ALK: variants seen among roughly 807,000 people sequenced by gnomAD.
The protein encoded by ALK is ALK receptor tyrosine kinase, also known as ALK tyrosine kinase receptor.
A neutral mutation model predicts 163.1 loss-of-function variants in ALK; 74 were observed. The ratio of observed to expected loss-of-function variants is 0.45; its 90% CI spans 0.38 to 0.55. ALK has a LOEUF of 0.55. Among genes scored for constraint, ALK ranks in the 20% least tolerant of loss-of-function variants. The pLI is 0.00. For missense variants in ALK, 2,063 were observed against 2,105.3 expected, an observed-to-expected ratio of 0.98 and a Z score of 0.39; for synonymous variants, 960 against 843.2, an observed-to-expected ratio of 1.14 and a Z score of -2.40.
intron 3 of ALK, among the ~76,000 whole-genome samples, chr2:29,679,465 CTG>C (rs969902868): frequency 2.2e-3 from 330 of 150,214 alleles, no homozygotes; most frequent in African/African-American, 7.7e-3. Context: ...TCTTTTCTCT[CTG>C]TTTCTTTCTC....
chr2:29,419,174 C>A (rs1031493317), intron 4 of ALK, among the ~76,000 whole-genome samples: 1 of 151,374 alleles, frequency 6.6e-6, no homozygotes, highest in Non-Finnish European at 1.5e-5. Context: ...CCTGACTCAG[C>A]CTCCCGAGTA....
At chr2:29,443,725 C>G (rs537452724) in intron 4 of ALK, among the ~76,000 whole-genome samples, 152 of 152,274 alleles carry the variant, frequency 1.0e-3, no homozygotes, top group Middle Eastern at 3.4e-3. Flanking sequence ...TGGGCATAAA[C>G]TGAGAATAAC....
chr2:29,879,170 C>T (rs1666795607), intron 1 of ALK, among the ~76,000 whole-genome samples: 1 of 152,148 alleles, frequency 6.6e-6, no homozygotes, highest in African/African-American at 2.4e-5. Flanking sequence ...TGCATGGCAG[C>T]CCAGGACACA....
chr2:29,333,722 T>G (rs1667524504), intron 5 of ALK, among the ~76,000 whole-genome samples: 1 of 152,170 alleles, frequency 6.6e-6, no homozygotes, highest in South Asian at 2.1e-4. Context: ...CCTCGGGTGA[T>G]TCTTCCACCT....
At chr2:29,860,814 CTT>C (rs1422651490) in intron 1 of ALK, among the ~76,000 whole-genome samples, 1 of 152,064 alleles carries the variant, frequency 6.6e-6, no homozygotes, top group East Asian at 1.9e-4. Flanking sequence ...TTAAAAATAT[CTT>C]GAGACAAAAT....
intron 1 of ALK, among the ~76,000 whole-genome samples, chr2:29,856,953 G>C (rs944034871): frequency 1.3e-5 from 2 of 152,192 alleles, no homozygotes; most frequent in African/African-American, 4.8e-5. Context: ...TTTTAGCCAA[G>C]TGTCCTTAGT....
intron 4 of ALK, among the ~76,000 whole-genome samples, chr2:29,499,289 C>A (rs1672108620): frequency 6.6e-6 from 1 of 151,958 alleles, no homozygotes; most frequent in African/African-American, 2.4e-5. Flanking sequence ...CTCTGCCTCT[C>A]AGGTTCAAGT....
chr2:29,500,989 T>C (rs1308676415), intron 4 of ALK, among the ~76,000 whole-genome samples: 1 of 152,182 alleles, frequency 6.6e-6, no homozygotes, highest in East Asian at 1.9e-4. Context: ...GCTTCCTGCA[T>C]TGCTGAGAAG....
At chr2:29,765,952 C>A (rs1680850747) in intron 1 of ALK, among the ~76,000 whole-genome samples, 1 of 152,124 alleles carries the variant, frequency 6.6e-6, no homozygotes, top group Admixed American at 6.5e-5. Context: ...TGTGAGCTGG[C>A]TGCAGTGCAC....
Position 29,700,312 on chromosome 2 carries a change from C to T in ALK, c.788-5298G>A, listed in dbSNP as rs543561290. Among the ~76,000 whole-genome samples, 29 of 152,152 alleles carry T rather than the reference C, an allele frequency of 1.9e-4. No homozygotes were observed. In the East Asian group the frequency reaches 2.9e-3, roughly 15 times the overall value. ...TGTAATCCCAGCACTTTGGGAGGCC[C>T]GGTGGGTGGATCACCTGAGGTCGGG... On this transcript the variant is annotated intron_variant, in intron 2 of 28. Coordinates refer to ENST00000389048, the MANE Select transcript of ALK (RefSeq NM_004304.5).
chr2:29,270,800 A>G (rs74419707), intron 11 of ALK, among the ~76,000 whole-genome samples: 8,059 of 152,220 alleles, frequency 0.053, 250 homozygotes, highest in Middle Eastern at 0.078. Context: ...TGCCATTAAC[A>G]CAAGAGTCTA....
rs55782189 is a variant in ALK at position 29,193,839 on chromosome 2, C to A, written c.4248G>T (p.Lys1416Asn). 1.1e-5 allele frequency: 18 copies of A among 1,612,500 alleles called. No homozygotes were observed. The East Asian group carries it at 2.9e-4, about 26-fold the overall frequency. Residue 1416 changes from lysine (K) to asparagine (N), a missense_variant, in exon 29 of 29, where the codon AAG (lysine) becomes AAT (asparagine). Physicochemically the swap from Lys to Asn is moderately conservative, Grantham distance 94. Around this residue, in one of 5 missense-constraint regions of ALK, gnomAD observed 403 missense variants for 366.2 expected, o/e 1.10. Transcript: ENST00000389048. ...EEEEKVPVRPKDPEGVPPLLV... is the reference protein window; with the variant it reads ...EEEEKVPVRPNDPEGVPPLLV... ...GGAGAGGAGGAACCCCCTCAGGGTC[C>A]TTGGGCCTCACAGGCACTTTCTCTT...
intron 3 of ALK, among the ~76,000 whole-genome samples, chr2:29,636,376 G>GAA (rs1404081363): frequency 3.3e-5 from 5 of 150,414 alleles, no homozygotes; most frequent in African/African-American, 1.2e-4. Context: ...GAAAAGAAAA[G>GAA]AAAAGAAAGA....
rs1006580438 is a variant in ALK at position 29,921,040 on chromosome 2, G to A, written c.-381C>T. ...TGGGTACCGTCCTCTCCTGCCCCCCGCAGTCGGAGCTGGGGTCTGTCCCCT... is the reference window on the plus strand; with the variant it reads ...TGGGTACCGTCCTCTCCTGCCCCCCACAGTCGGAGCTGGGGTCTGTCCCCT... On this transcript the variant is annotated 5_prime_UTR_variant, in exon 1 of 29. Coordinates refer to ENST00000389048, the MANE Select transcript of ALK (RefSeq NM_004304.5). 3.2e-5 allele frequency: 9 copies of A among 278,734 alleles called. No individual in the cohort carries two copies. Among genetic ancestry groups the A allele is most frequent in the South Asian group, 2.4e-4 (2 of 8,196 alleles). 17.3% of individuals were successfully genotyped at this position (278,734 alleles called of 1,614,324 possible).
intron 5 of ALK, among the ~76,000 whole-genome samples, chr2:29,373,488 A>G (rs987400979): frequency 2.6e-5 from 4 of 152,200 alleles, no homozygotes; most frequent in South Asian, 2.1e-4. Context: ...TGGGAGTACA[A>G]TGACCTCGGC....
chr2:29,290,657 T>C (rs776420564), intron 9 of ALK, among the ~76,000 whole-genome samples: 1 of 152,260 alleles, frequency 6.6e-6, no homozygotes, highest in Non-Finnish European at 1.5e-5. Flanking sequence ...TTATTCTCAA[T>C]GAAAGGGCGA....
At chr2:29,351,915 G>T (rs7573912) in intron 5 of ALK, among the ~76,000 whole-genome samples, 85,255 of 151,868 alleles carry the variant, frequency 0.56, 24,175 homozygotes, top group East Asian at 0.77. Context: ...CTGTTTGGGG[G>T]TCCCTGCAGC....
intron 1 of ALK, among the ~76,000 whole-genome samples, chr2:29,902,197 T>G (rs1047919384): frequency 1.1e-4 from 16 of 152,122 alleles, no homozygotes; most frequent in East Asian, 5.8e-4. Flanking sequence ...GCTCCCCAGG[T>G]GCAAATTGAA....
At chr2:29,644,502 A>G (rs1416271431) in intron 3 of ALK, among the ~76,000 whole-genome samples, 4 of 152,044 alleles carry the variant, frequency 2.6e-5, no homozygotes, top group African/African-American at 9.7e-5. Context: ...ACACAGAGAG[A>G]TTACAGTCAT....
Sources: gnomAD v4.1 joint callset for allele counts (sites outside exome capture counted in the v4.1 genomes callset) on GRCh38, gnomAD v4.1.1 for gene constraint, gnomAD v4.1.1 regional missense constraint, MANE v1.5 for transcripts, NCBI Gene and HGNC (gene_info 2026-07-23, HGNC 2026-07-21) for gene names.